The following GLB1L2 variants were observed in gnomAD, a reference collection of about 807,000 sequenced individuals.
GLB1L2 encodes the protein beta-galactosidase-1-like protein 2.
Under a neutral mutation model 84.1 loss-of-function variants are expected in GLB1L2, and 68 were observed. The ratio of observed to expected loss-of-function variants is 0.81; its 90% CI spans 0.67 to 0.99. GLB1L2 has a LOEUF of 0.99. Among genes scored for constraint, GLB1L2 ranks in the 50% least tolerant of loss-of-function variants. The pLI, the probability that GLB1L2 is intolerant of heterozygous loss-of-function variation, is 0.00. For synonymous variants in GLB1L2, 290 were observed against 318.0 expected (o/e 0.91, Z 0.94); for missense variants, 762 against 805.6 (o/e 0.95, Z 0.66).
chr11:134,332,002 G>A lies in GLB1L2; in HGVS notation c.-60G>A. The A allele has an allele frequency of 8.2e-7, 1 of 1,225,974 alleles. No individual in the cohort carries two copies. The highest frequency in any genetic ancestry group is 1.1e-6 in the Non-Finnish European group (1 of 887,504). 75.9% of individuals were successfully genotyped at this position (1,225,974 alleles called of 1,614,324 possible). Reference sequence around the variant, plus strand: ...CTCCGCCCCCCGCGGCGAGGCTCCCGCGCGCGGCTGAGTGCGGACTGGAGT... The same window carrying A: ...CTCCGCCCCCCGCGGCGAGGCTCCCACGCGCGGCTGAGTGCGGACTGGAGT... On this transcript the variant is annotated 5_prime_UTR_variant, in exon 1 of 19. Transcript: ENST00000535456.
chr11:134,344,336 G>A (rs1387698988), intron 2 of GLB1L2, 51 bp from the exon 3 acceptor site: 1 of 1,604,338 alleles, frequency 6.2e-7, no homozygotes, highest in Admixed American at 1.7e-5. Context: ...TGTGAGAGGT[G>A]AAATGGAATG....
chr11:134,343,721 G>T (rs1328144510), intron 2 of GLB1L2, among the ~76,000 whole-genome samples: 1 of 152,206 alleles, frequency 6.6e-6, no homozygotes, highest in Non-Finnish European at 1.5e-5. Context: ...AGTGCTGCAG[G>T]CTCAGCACTC....
Position 134,370,248 on chromosome 11 carries a change from T to C in GLB1L2, c.1109-45T>C, listed in dbSNP as rs10791358. The C allele has an allele frequency of 0.35, 535,111 of 1,521,992 alleles. 98,480 individuals are homozygous for C. Among genetic ancestry groups the C allele is most frequent in the Admixed American group, 0.49 (29,603 of 59,804 alleles). 94.3% of individuals were successfully genotyped at this position (1,521,992 alleles called of 1,614,324 possible). A position where few individuals can be genotyped will look rare whatever the true frequency, so the allele number is the denominator to read the frequency against. Reference sequence around the variant, plus strand: ...CCGGGTGGGGAGGACGAGCAGGCAGTGACATTTGGGTCCGTTGGGGGTGAC... The same window carrying C: ...CCGGGTGGGGAGGACGAGCAGGCAGCGACATTTGGGTCCGTTGGGGGTGAC... On this transcript the variant is annotated intron_variant, in intron 11 of 18. Coordinates refer to ENST00000535456, the MANE Select transcript of GLB1L2 (RefSeq NM_001370461.1). The surrounding 1 kb of genome is among the most constrained non-coding windows in gnomAD (Gnocchi z 4.7).
chr11:134,339,974 A>G lies in GLB1L2; in HGVS notation c.87-2780A>G, dbSNP rs1943439021. On this transcript the variant is annotated intron_variant, in intron 1 of 18. Transcript: ENST00000535456. This position sits in a 1 kb window ranked among gnomAD's most constrained non-coding sequence, Gnocchi z 5.7. ...AGACCACACCTGGAGAAGTCAGCCT[A>G]GAGGGAGGTTTCCTGATCCTTAGTC... Among the ~76,000 whole-genome samples, 1 of 152,124 alleles carries G rather than the reference A, an allele frequency of 6.6e-6. No homozygotes were observed. The highest frequency in any genetic ancestry group is 2.1e-4 in the South Asian group (1 of 4,828).
chr11:134,344,935 G>A (rs183721926), intron 3 of GLB1L2, 99 bp from the exon 4 acceptor site: 53 of 1,390,078 alleles, frequency 3.8e-5, no homozygotes, highest in Middle Eastern at 2.5e-4. Flanking sequence ...CCGTCCCTTC[G>A]CCCCACCAGG....
Position 134,374,204 on chromosome 11 carries a change from TG to T in GLB1L2, c.1658del (p.Gly553ValfsTer14). ...PETPTLPAFFLGSLSISSTPC... is the reference protein window; with the variant it reads ...PETPTLPAFFXGSLSISSTPC... ...ACACCCACATTACCTGCTTTCTTCT[TG>T]GGTAGCTTGTCCATCAGCTCCACCC... is the stretch of plus-strand genomic sequence containing the variant. On this transcript the variant is annotated frameshift_variant, in exon 17 of 19. Coordinates refer to ENST00000535456, the MANE Select transcript of GLB1L2 (RefSeq NM_001370461.1). LOFTEE classifies it high-confidence loss of function. The T allele has an allele frequency of 6.2e-7, 1 of 1,614,174 alleles. No homozygotes were observed. The highest frequency in any genetic ancestry group is 8.5e-7 in the Non-Finnish European group (1 of 1,180,006).
chr11:134,345,208 G>C (rs1943537805), intron 4 of GLB1L2, 79 bp downstream of exon 4: 1 of 1,254,112 alleles, frequency 8.0e-7, no homozygotes, highest in Non-Finnish European at 1.0e-6. Flanking sequence ...CTGTGTTCCA[G>C]TTCCCATTCT....
intron 13 of GLB1L2, 40 bp from the exon 14 acceptor site, chr11:134,371,381 C>T (rs1943949940): frequency 7.4e-7 from 1 of 1,345,268 alleles, no homozygotes; most frequent in African/African-American, 1.4e-5. Context: ...TTACCCTCCT[C>T]CTGTTGGTCA....
At position 134,334,342 on chromosome 11, in the gene GLB1L2, T is replaced by C. The variant is rs573307203; in HGVS notation, c.86+2195T>C. Among the ~76,000 whole-genome samples the C allele has an allele frequency of 2.8e-4, 42 of 152,258 alleles. No homozygotes were observed. Among genetic ancestry groups the C allele is most frequent in the Admixed American group, 2.4e-3 (37 of 15,298 alleles). On this transcript the variant is annotated intron_variant, in intron 1 of 18. Transcript: ENST00000535456. This position sits in a 1 kb window ranked among gnomAD's most constrained non-coding sequence, Gnocchi z 4.1. The stretch of plus-strand genomic sequence containing the variant: ...ATGTTTGGCTATAGCTTTTCTTTTT[T>C]TTCATCAACTTTTCCTTGGGCTGGT...
chr11:134,371,065 G>A lies in GLB1L2; in HGVS notation c.1273G>A (p.Gly425Arg), dbSNP rs1022929401. 1 of 1,614,204 alleles carries A rather than the reference G, an allele frequency of 6.2e-7. No individual in the cohort carries two copies. The change falls in exon 13 of 19, where the codon GGA (glycine) becomes AGA (arginine). Residue 425 changes from glycine (G) to arginine (R), a missense_variant. Transcript: ENST00000535456. ...GAACCTGCCAGTCAATGGGGGAAAT[G>A]GACAGTCCTTCGGGTACATTCTCTA... is the stretch of plus-strand genomic sequence containing the variant. The part of the protein sequence containing the change: ...MENLPVNGGN[G>R]QSFGYILYET...
chr11:134,340,639 C>T (rs1418175859), intron 1 of GLB1L2, among the ~76,000 whole-genome samples: 2 of 152,222 alleles, frequency 1.3e-5, no homozygotes, highest in African/African-American at 2.4e-5. Context: ...CTTAGCACTC[C>T]AGGGCTTCAT....
chr11:134,368,137 T>A (rs1334270741), intron 9 of GLB1L2, among the ~76,000 whole-genome samples: 1 of 152,262 alleles, frequency 6.6e-6, no homozygotes, highest in Non-Finnish European at 1.5e-5. Context: ...ACTCAGTACA[T>A]CATTGTTTAG....
In GLB1L2 at chr11:134,373,699, G is replaced by A. The variant is rs568484004; in HGVS notation, c.1508-22G>A. ...CGGCCCCTGCCTTTGGGCTACCCAC[G>A]TGTCCTGCCTCCCTCCCACAGGCTT... On this transcript the variant is annotated intron_variant, in intron 15 of 18. Transcript: ENST00000535456. The A allele has an allele frequency of 1.2e-4, 185 of 1,550,846 alleles. 1 individual carries two copies. The highest frequency in any genetic ancestry group is 1.5e-4 in the Non-Finnish European group (169 of 1,126,326).
In GLB1L2 at chr11:134,359,132, G is replaced by T. The variant is rs370824928; in HGVS notation, c.724G>T (p.Val242Phe). The stretch of plus-strand genomic sequence containing the variant: ...CAAGGATGGGCTGAGCAAGGGGATT[G>T]TCCAGGGAGGTAACTGCACTTGTGT... The part of the protein sequence containing the change: ...DNKDGLSKGI[V>F]QGVLATINLQ... The change falls in exon 7 of 19, where the codon GTC (valine) becomes TTC (phenylalanine). Residue 242 changes from valine (V) to phenylalanine (F), a missense_variant. Val to Phe is a conservative substitution (Grantham distance 50). This residue lies in a region of GLB1L2 where 603 missense variants were observed against 611.7 expected (regional missense o/e 0.99). Transcript: ENST00000535456. The T allele has an allele frequency of 6.2e-6, 10 of 1,600,406 alleles. No individual in the cohort carries two copies. In the African/African-American group the frequency reaches 1.3e-4, roughly 22 times the overall value.
chr11:134,366,736 A>ACTTT (rs1265065831), intron 8 of GLB1L2, among the ~76,000 whole-genome samples: 2 of 152,082 alleles, frequency 1.3e-5, no homozygotes, highest in Admixed American at 6.5e-5. Flanking sequence ...CTGTGCTGTA[A>ACTTT]GGCCCTGATT....
chr11:134,362,641 T>TG (rs1943811743), intron 7 of GLB1L2, among the ~76,000 whole-genome samples: 1 of 152,190 alleles, frequency 6.6e-6, no homozygotes, highest in Non-Finnish European at 1.5e-5. Context: ...AGGCCGGCGG[T>TG]GGACAGGAAT....
intron 7 of GLB1L2, among the ~76,000 whole-genome samples, chr11:134,363,672 A>G (rs553345367): frequency 6.6e-6 from 1 of 152,122 alleles, no homozygotes; most frequent in Admixed American, 6.5e-5. Context: ...TTACATCATT[A>G]CCTTGGACCG....
chr11:134,373,801 T>C lies in GLB1L2; in HGVS notation c.1588T>C (p.Phe530Leu). 6.2e-7 allele frequency: 1 copy of C among 1,606,026 alleles called. No homozygotes were observed. Among genetic ancestry groups the C allele is most frequent in the Non-Finnish European group, 8.5e-7 (1 of 1,172,778 alleles). ...TAGCCTGGATATGAAGAAGAGCTTC[T>C]TTCAGAGGTGGGTCCCTGCCCAGCA... ...IYSLDMKKSF[F>L]QRFGLDKWSS... is the part of the protein sequence containing the mutation. The change falls in exon 16 of 19, where the codon TTT becomes CTT. Residue 530 changes from phenylalanine (F) to leucine (L), a missense_variant. This residue lies in a region of GLB1L2 where 603 missense variants were observed against 611.7 expected (regional missense o/e 0.99). Transcript: ENST00000535456.
In GLB1L2 at chr11:134,332,038, G is replaced by C; in HGVS notation, c.-24G>C. The C allele has an allele frequency of 1.3e-6, 2 of 1,519,906 alleles. No homozygotes were observed. The highest frequency in any genetic ancestry group is 2.8e-5 in the African/African-American group (2 of 70,676). The allele number at this position is 1,519,906 out of a possible 1,614,324, so 94.2% of individuals were successfully genotyped here. A position where few individuals can be genotyped will look rare whatever the true frequency, so the allele number is the denominator to read the frequency against. On this transcript the variant is annotated 5_prime_UTR_variant, in exon 1 of 19. Coordinates refer to ENST00000535456, the MANE Select transcript of GLB1L2 (RefSeq NM_001370461.1). Reference sequence around the variant, plus strand: ...AGTGCGGACTGGAGTGGGAACCCGGGTCCCCGCGCTTAGAGAACACGCGAT... The same window carrying C: ...AGTGCGGACTGGAGTGGGAACCCGGCTCCCCGCGCTTAGAGAACACGCGAT...
Sources: allele counts gnomAD v4.1 joint callset (sites outside exome capture counted in the v4.1 genomes callset), GRCh38; gene constraint gnomAD v4.1.1; regional missense constraint gnomAD v4.1.1; non-coding constraint Gnocchi (gnomAD v3.1); transcripts MANE v1.5; gene names NCBI Gene and HGNC (gene_info 2026-07-23, HGNC 2026-07-21).